PRR16: variants seen among roughly 807,000 people sequenced by gnomAD.
PRR16 encodes protein Largen.
A neutral mutation model predicts 18.2 loss-of-function variants in PRR16; 6 were observed. The observed-to-expected ratio is 0.33, with a 90% CI of 0.18 to 0.65. The LOEUF is 0.65. PRR16 is among the 30% of genes least tolerant of loss of function. The pLI, the probability that PRR16 is intolerant of heterozygous loss-of-function variation, is 0.74. For synonymous variants in PRR16, 151 were observed against 147.8 expected, an observed-to-expected ratio of 1.02 and a Z score of -0.16; for missense variants, 412 against 376.6, an observed-to-expected ratio of 1.09 and a Z score of -0.78.
At chr5:120,713,944 C>T in the PRR16 span, among the ~76,000 whole-genome samples, 1 of 152,064 alleles carries the variant, frequency 6.6e-6, no homozygotes, top group Admixed American at 6.6e-5. Flanking sequence ...TATTTGAAAA[C>T]TGTTCCCTGT....
At chr5:120,536,650 C>T (rs772770770) in intron 1 of PRR16, among the ~76,000 whole-genome samples, 2 of 152,154 alleles carry the variant, frequency 1.3e-5, no homozygotes, top group African/African-American at 2.4e-5. Context: ...CATTTTAGTA[C>T]ATCTACCTCT....
chr5:120,766,218 A>C, the PRR16 span, among the ~76,000 whole-genome samples: 1 of 152,034 alleles, frequency 6.6e-6, no homozygotes. Context: ...ACCTGACACC[A>C]GCAGCATTCC....
At chr5:120,467,275 A>G (rs1749133930) in intron 1 of PRR16, among the ~76,000 whole-genome samples, 1 of 152,186 alleles carries the variant, frequency 6.6e-6, no homozygotes, top group Admixed American at 6.5e-5. Context: ...TGGCAATGCT[A>G]TGCTTTTAGA....
chr5:120,710,384 G>A, the PRR16 span, among the ~76,000 whole-genome samples: 1 of 152,002 alleles, frequency 6.6e-6, no homozygotes, highest in African/African-American at 2.4e-5. Context: ...TAGGCTCTAG[G>A]TACTCTTCCC....
Position 120,686,726 on chromosome 5 carries a change from A to T in PRR16, c.*17A>T. 6.9e-7 allele frequency: 1 copy of T among 1,448,452 alleles called. No individual in the cohort carries two copies. Among genetic ancestry groups the T allele is most frequent in the Non-Finnish European group, 9.1e-7 (1 of 1,096,138 alleles). 89.7% of individuals were successfully genotyped at this position (1,448,452 alleles called of 1,614,324 possible). On this transcript the variant is annotated 3_prime_UTR_variant, in exon 2 of 2. Transcript: ENST00000407149. The stretch of plus-strand genomic sequence containing the variant: ...ACCGTGTGATGTATGCCATTAAAAA[A>T]ATTGTTTTTTTAATTTTCTATATTA...
chr5:120,585,718 C>T (rs990076199), intron 1 of PRR16, among the ~76,000 whole-genome samples: 4 of 151,506 alleles, frequency 2.6e-5, no homozygotes, highest in African/African-American at 4.9e-5. Flanking sequence ...ATTTGCATTC[C>T]ATGAAGAACT....
At chr5:120,658,337 C>A (rs2150136547) in intron 1 of PRR16, 1 of 107,356 alleles carries the variant, frequency 9.3e-6, no homozygotes, top group East Asian at 3.1e-4. Flanking sequence ...GTAACAGTTT[C>A]CCATGAGTGG....
chr5:120,721,971 C>A, the PRR16 span, among the ~76,000 whole-genome samples: 2 of 151,836 alleles, frequency 1.3e-5, no homozygotes, highest in African/African-American at 2.4e-5. Context: ...TTTGCTGCAC[C>A]CATTAAGCTG....
the PRR16 span, among the ~76,000 whole-genome samples, chr5:120,754,401 T>TTATACTATATAGTATATATGATATAATA: frequency 1.5e-5 from 1 of 67,212 alleles, no homozygotes; most frequent in African/African-American, 6.7e-5. Flanking sequence ...ATGTTATATA[T>TTATACTATATAGTATATATGATATAATA]TATACTATAT....
chr5:120,496,581 T>G (rs1179453447), intron 1 of PRR16, among the ~76,000 whole-genome samples: 1 of 152,036 alleles, frequency 6.6e-6, no homozygotes, highest in Admixed American at 6.6e-5. Flanking sequence ...TATTGGTAAT[T>G]TGTATCTTCT....
intron 1 of PRR16, among the ~76,000 whole-genome samples, chr5:120,650,960 C>T (rs370937886): frequency 1.3e-5 from 2 of 152,104 alleles, no homozygotes; most frequent in Non-Finnish European, 1.5e-5. Context: ...TAAAAGTGTT[C>T]CTATTTCTCC....
At chr5:120,784,935 G>C in the PRR16 span, among the ~76,000 whole-genome samples, 1 of 152,140 alleles carries the variant, frequency 6.6e-6, no homozygotes, top group South Asian at 2.1e-4. Context: ...TTTAAACTAT[G>C]TAACTAGTTG....
Position 120,686,100 on chromosome 5 carries a change from G to C in PRR16, c.306G>C (p.Pro102=). The C allele has an allele frequency of 1.9e-6, 3 of 1,614,028 alleles. No homozygotes were observed. Among genetic ancestry groups the C allele is most frequent in the Non-Finnish European group, 2.5e-6 (3 of 1,180,004 alleles). Residue 102 remains proline, a synonymous_variant, in exon 2 of 2, where the codon CCG becomes CCC. Transcript: ENST00000407149. ...AGATCAAAGTGCAGGCTAATGCACC[G>C]CTTATTAAACCCCCAGCACACCCGT... The part of the protein sequence containing the change: ...LEKIKVQANA[P]LIKPPAHPSA...
At chr5:120,634,568 A>G (rs1211466491) in intron 1 of PRR16, among the ~76,000 whole-genome samples, 1 of 152,116 alleles carries the variant, frequency 6.6e-6, no homozygotes, top group African/African-American at 2.4e-5. Flanking sequence ...ACTTGAACCC[A>G]GGAGGTGGAG....
At chr5:120,617,968 T>C (rs1241435403) in intron 1 of PRR16, among the ~76,000 whole-genome samples, 1 of 152,142 alleles carries the variant, frequency 6.6e-6, no homozygotes, top group Non-Finnish European at 1.5e-5. Context: ...TTGGTCTCAG[T>C]ATTTTTCTGC....
At chr5:120,719,508 G>A in the PRR16 span, among the ~76,000 whole-genome samples, 4 of 152,000 alleles carry the variant, frequency 2.6e-5, no homozygotes, top group Non-Finnish European at 4.4e-5. Flanking sequence ...AATCGCAAAA[G>A]GACAGAGAGA....
chr5:120,793,289 A>T, the PRR16 span, among the ~76,000 whole-genome samples: 1 of 152,174 alleles, frequency 6.6e-6, no homozygotes, highest in Non-Finnish European at 1.5e-5. Flanking sequence ...CCAGTACAAC[A>T]AATGTAGGCA....
intron 1 of PRR16, among the ~76,000 whole-genome samples, chr5:120,549,147 G>A (rs1373499315): frequency 6.6e-6 from 1 of 152,052 alleles, no homozygotes; most frequent in East Asian, 1.9e-4. Flanking sequence ...CCAGGCTGTA[G>A]TGTGATGGGG....
intron 1 of PRR16, among the ~76,000 whole-genome samples, chr5:120,609,418 T>TAAA (rs1188013778): frequency 2.0e-5 from 3 of 150,900 alleles, no homozygotes; most frequent in Admixed American, 1.3e-4. Flanking sequence ...AAAAAAAAAT[T>TAAA]TTTAAAAAAG....
Sources: allele counts gnomAD v4.1 joint callset (sites outside exome capture counted in the v4.1 genomes callset), GRCh38; gene constraint gnomAD v4.1.1; transcripts MANE v1.5; gene names NCBI Gene and HGNC (gene_info 2026-07-23, HGNC 2026-07-21).